Variants in VLDLR observed in about 807,000 individuals in gnomAD.
The protein encoded by VLDLR is very low density lipoprotein receptor.
VLDLR carries 81 observed loss-of-function variants against 112.7 expected under a neutral mutation model. The observed-to-expected ratio is 0.72, with a 90% confidence interval of 0.60 to 0.86. The LOEUF is 0.86. Ranked by LOEUF, VLDLR falls within the 40% of genes least tolerant of loss-of-function variation. The probability of loss-of-function intolerance (pLI) is 0.00; values close to 1 mark genes in which losing one functional copy is unlikely to be tolerated. For missense variants in VLDLR, 1,237 were observed against 1,099.4 expected, an observed-to-expected ratio of 1.13 and a Z score of -1.77; for synonymous variants, 436 against 384.8, an observed-to-expected ratio of 1.13 and a Z score of -1.56.
At chr9:2,651,650 T>G in intron 16 of VLDLR, 152 bp downstream of exon 16, 1 of 893,072 alleles carries the variant, frequency 1.1e-6, no homozygotes, top group Non-Finnish European at 1.7e-6. Flanking sequence ...CTTGCATATC[T>G]TTTCCTGACT....
chr9:2,622,034 T>C lies in VLDLR; in HGVS notation c.-156T>C. The C allele has an allele frequency of 2.7e-6, 2 of 731,440 alleles. No individual in the cohort carries two copies. The highest frequency in any genetic ancestry group is 1.9e-5 in the South Asian group (1 of 53,354). 45.3% of individuals were successfully genotyped at this position (731,440 alleles called of 1,614,324 possible). On this transcript the variant is annotated 5_prime_UTR_variant, in exon 1 of 19. Coordinates refer to ENST00000382100, the MANE Select transcript of VLDLR (RefSeq NM_003383.5). The stretch of plus-strand genomic sequence containing the variant: ...TTGTAGGGGAGGGGGTGCCCTCTTC[T>C]TCCCCGCTCCCTTCCCCCGCCAACT...
chr9:2,636,560 A>G (rs182419774), intron 2 of VLDLR, among the ~76,000 whole-genome samples: 324 of 152,346 alleles, frequency 2.1e-3, no homozygotes, highest in African/African-American at 5.4e-3. Flanking sequence ...AGGTGTTTTC[A>G]TGCCAATGTG....
intron 1 of VLDLR, among the ~76,000 whole-genome samples, chr9:2,631,551 A>G (rs1011906126): frequency 3.9e-5 from 6 of 152,234 alleles, no homozygotes; most frequent in African/African-American, 1.4e-4. Context: ...GCTAAGGGAA[A>G]TAAGCCAGGC....
intron 1 of VLDLR, among the ~76,000 whole-genome samples, chr9:2,623,230 G>A (rs1158032066): frequency 1.3e-5 from 2 of 152,114 alleles, no homozygotes; most frequent in African/African-American, 2.4e-5. Context: ...GCGGGGGCCT[G>A]GGGGCCCCGC....
In VLDLR at chr9:2,645,651, C is replaced by A. The variant is rs34753566; in HGVS notation, c.1390C>A (p.Leu464Ile). The A allele has an allele frequency of 2.5e-6, 4 of 1,614,218 alleles. No individual in the cohort carries two copies. Among genetic ancestry groups the A allele is most frequent in the African/African-American group, 1.3e-5 (1 of 75,046 alleles). The change falls in exon 10 of 19, where the codon CTA becomes ATA. Residue 464 changes from leucine to isoleucine, a missense_variant. Transcript: ENST00000382100. ...IGLERKEYIQLVEQLRNTVAL... is the reference protein window; with the variant it reads ...IGLERKEYIQIVEQLRNTVAL... ...CTTAGAGAGGAAAGAATATATCCAA[C>A]TAGTTGAACAGCTAAGAAACACTGT...
At chr9:2,647,877 C>A (rs754679238) in intron 12 of VLDLR, 339 of 570,548 alleles carry the variant, frequency 5.9e-4, no homozygotes, top group Non-Finnish European at 9.3e-4. Flanking sequence ...GGCATGAGTG[C>A]CTTAGCATTT....
intron 1 of VLDLR, 43 bp downstream of exon 1, chr9:2,622,314 C>T (rs1244213805): frequency 3.5e-6 from 5 of 1,422,816 alleles, no homozygotes; most frequent in Non-Finnish European, 4.6e-6. Context: ...GGGACCCAGC[C>T]GGGGCACCGG....
chr9:2,622,330 C>A, intron 1 of VLDLR, 59 bp downstream of exon 1: 1 of 1,386,356 alleles, frequency 7.2e-7, no homozygotes, highest in Non-Finnish European at 9.4e-7. Flanking sequence ...ACCGGGAGAC[C>A]CCGAGGCGTA....
chr9:2,647,672 C>T (rs1054523324), intron 12 of VLDLR, 80 bp downstream of exon 12: 3 of 1,265,052 alleles, frequency 2.4e-6, no homozygotes, highest in Non-Finnish European at 2.3e-6. Flanking sequence ...GAATTCTGGA[C>T]TAGCAGATGA....
rs1464241707 is a variant in VLDLR, at chr9:2,648,746, T to C, written c.2040T>C (p.Thr680=). The C allele has an allele frequency of 2.5e-6, 4 of 1,614,186 alleles. No homozygotes were observed. In the South Asian group the frequency reaches 4.4e-5, roughly 18 times the overall value. ...ANKFTGSELA[T]LVNNLNDAQD... is the part of the protein sequence containing the mutation. Reference sequence around the variant, plus strand: ...AATTCACTGGATCAGAGCTAGCCACTCTAGTCAACAACCTGAATGATGCCC... The same window carrying C: ...AATTCACTGGATCAGAGCTAGCCACCCTAGTCAACAACCTGAATGATGCCC... The change falls in exon 14 of 19, where the codon ACT becomes ACC. Residue 680 remains threonine (T), a synonymous_variant. Coordinates refer to ENST00000382100, the MANE Select transcript of VLDLR (RefSeq NM_003383.5).
chr9:2,630,548 T>G (rs1586637301), intron 1 of VLDLR, among the ~76,000 whole-genome samples: 2 of 152,342 alleles, frequency 1.3e-5, no homozygotes, highest in South Asian at 4.1e-4. Flanking sequence ...ATTCTGGGCA[T>G]GCATCTTGGA....
rs904024128 is a variant in VLDLR at position 2,645,479 on chromosome 9, T to G, written c.1313-95T>G. The G allele has an allele frequency of 8.2e-6, 12 of 1,471,772 alleles. No homozygotes were observed. In the African/African-American group the frequency reaches 1.1e-4, roughly 14 times the overall value. 91.2% of individuals were successfully genotyped at this position (1,471,772 alleles called of 1,614,324 possible). A position where few individuals can be genotyped will look rare whatever the true frequency, so the allele number is the denominator to read the frequency against. Reference sequence around the variant, plus strand: ...ACTACTGAGGTATTCCACAATACCTTTATTTTCTAAGTGCTCCTCTGCTGG... The same window carrying G: ...ACTACTGAGGTATTCCACAATACCTGTATTTTCTAAGTGCTCCTCTGCTGG... On this transcript the variant is annotated intron_variant, in intron 9 of 18. Coordinates refer to ENST00000382100, the MANE Select transcript of VLDLR (RefSeq NM_003383.5).
rs1818585572 is a variant in VLDLR at position 2,655,949 on chromosome 9, G to A, written c.*2081G>A. ...GACCCTGCTGTGGTACAAAAAACAT[G>A]GATTTTTTTTTTTTTAACTGGAGTA... On this transcript the variant is annotated 3_prime_UTR_variant, in exon 19 of 19. Coordinates refer to ENST00000382100, the MANE Select transcript of VLDLR (RefSeq NM_003383.5). 1 of 147,414 alleles carries A rather than the reference G, an allele frequency of 6.8e-6. No homozygotes were observed. The highest frequency in any genetic ancestry group is 2.7e-5 in the African/African-American group (1 of 37,318). The allele number at this position is 147,414 out of a possible 1,614,324, so 9.1% of individuals were successfully genotyped here. A position where few individuals can be genotyped will look rare whatever the true frequency, so the allele number is the denominator to read the frequency against.
chr9:2,634,476 A>G (rs1358175378), intron 1 of VLDLR, among the ~76,000 whole-genome samples: 1 of 152,250 alleles, frequency 6.6e-6, no homozygotes, highest in Non-Finnish European at 1.5e-5. Flanking sequence ...TCGTGAAGCA[A>G]TCACATCCGC....
chr9:2,639,955 G>C lies in VLDLR; in HGVS notation c.299G>C (p.Gly100Ala), dbSNP rs753848585. 2.5e-6 allele frequency: 4 copies of C among 1,614,206 alleles called. No homozygotes were observed. The highest frequency in any genetic ancestry group is 3.4e-6 in the Non-Finnish European group (4 of 1,180,042). The part of the protein sequence containing the change: ...KCDGDPDCED[G>A]SDESPEQCHM... ...GATGGAGATCCTGACTGCGAAGATG[G>C]TTCAGATGAAAGCCCAGAACAGTGC... Residue 100 changes from glycine (G) to alanine (A), a missense_variant, in exon 3 of 19, where the codon GGT becomes GCT. Transcript: ENST00000382100.
chr9:2,657,311 A>C lies in VLDLR; in HGVS notation c.*3443A>C, dbSNP rs1159752432. Reference sequence around the variant, plus strand: ...TACTGTTTGCTTTCAATGGTGGCAAAAACTTGCAAAAAGCAGATATACTTT... The same window carrying C: ...TACTGTTTGCTTTCAATGGTGGCAACAACTTGCAAAAAGCAGATATACTTT... On this transcript the variant is annotated 3_prime_UTR_variant, in exon 19 of 19. Transcript: ENST00000382100. The C allele has an allele frequency of 6.6e-6, 1 of 152,220 alleles. No homozygotes were observed. The highest frequency in any genetic ancestry group is 1.5e-5 in the Non-Finnish European group (1 of 68,038). The allele number at this position is 152,220 out of a possible 1,614,324, so 9.4% of individuals were successfully genotyped here.
rs1400551382 is a variant in VLDLR at position 2,651,488 on chromosome 9, AG to A, written c.2326del (p.Val776PhefsTer7). ...TTEISATSGL[V>X]PGGINVTTAV... ...CAGAAATTTCAGCAACTAGTGGACT[AG>A]TTCCTGGAGGTATTGAGTTCAGTAC... is the stretch of plus-strand genomic sequence containing the variant. On this transcript the variant is annotated frameshift_variant, in exon 16 of 19. Coordinates refer to ENST00000382100, the MANE Select transcript of VLDLR (RefSeq NM_003383.5). LOFTEE classifies it high-confidence loss of function. The A allele has an allele frequency of 1.2e-6, 2 of 1,613,782 alleles. No homozygotes were observed.
chr9:2,622,651 G>A (rs2130749815), intron 1 of VLDLR, among the ~76,000 whole-genome samples: 1 of 152,372 alleles, frequency 6.6e-6, no homozygotes, highest in Non-Finnish European at 1.5e-5. Flanking sequence ...GAAGGAGGCA[G>A]AGGGCCAAGA....
chr9:2,651,660 TG>T lies in VLDLR; in HGVS notation c.2335+163del, dbSNP rs1463102865. ...TAAAACTTGCATATCTTTTCCTGAC[TG>T]ATCTTAAAGGTTTCTAGTAGAGAAC... On this transcript the variant is annotated intron_variant, in intron 16 of 18. Coordinates refer to ENST00000382100, the MANE Select transcript of VLDLR (RefSeq NM_003383.5). Among the ~76,000 whole-genome samples, 3 of 152,356 alleles carry T rather than the reference TG, an allele frequency of 2.0e-5. No homozygotes were observed. The East Asian group carries it at 5.8e-4, about 29-fold the overall frequency.
Sources: allele counts gnomAD v4.1 joint callset (sites outside exome capture counted in the v4.1 genomes callset), GRCh38; gene constraint gnomAD v4.1.1; transcripts MANE v1.5; gene names NCBI Gene and HGNC (gene_info 2026-07-23, HGNC 2026-07-21).